BCAR3: variants seen among roughly 807,000 people sequenced by gnomAD.
BCAR3 encodes the protein breast cancer anti-estrogen resistance protein 3.
Under a neutral mutation model 80.1 loss-of-function variants are expected in BCAR3, and 37 were observed. The observed-to-expected ratio is 0.46, with a 90% CI of 0.36 to 0.61. The LOEUF (loss-of-function observed/expected upper bound fraction) is 0.61. BCAR3 is among the 20% of genes least tolerant of loss of function. BCAR3 has a pLI of 0.00. For missense variants in BCAR3, 978 were observed against 1,068.2 expected, an observed-to-expected ratio of 0.92 and a Z score of 1.18; for synonymous variants, 389 against 418.9, an observed-to-expected ratio of 0.93 and a Z score of 0.87.
chr1:93,734,264 C>T (rs935661688), intron 2 of BCAR3, among the ~76,000 whole-genome samples: 6 of 152,234 alleles, frequency 3.9e-5, no homozygotes, highest in African/African-American at 1.4e-4. Flanking sequence ...CATTATCTTT[C>T]AGTGCAGTGT....
At chr1:93,821,489 A>G (rs751556422) in intron 2 of BCAR3, among the ~76,000 whole-genome samples, 2 of 152,172 alleles carry the variant, frequency 1.3e-5, no homozygotes, top group East Asian at 1.9e-4. Context: ...GTTTGCCCAC[A>G]CTAAATACCG....
chr1:93,608,958 A>G (rs142895326), intron 3 of BCAR3, among the ~76,000 whole-genome samples: 1 of 152,338 alleles, frequency 6.6e-6, no homozygotes, highest in African/African-American at 2.4e-5. Context: ...AACTCAGGCC[A>G]TCGTCAATGC....
intron 9 of BCAR3, among the ~76,000 whole-genome samples, chr1:93,568,749 C>G (rs1012696554): frequency 1.3e-5 from 2 of 152,134 alleles, no homozygotes; most frequent in Non-Finnish European, 2.9e-5. Flanking sequence ...TATAGAACAG[C>G]CTTATTTTGT....
chr1:93,746,890 T>C (rs1240879458), intron 2 of BCAR3, among the ~76,000 whole-genome samples: 2 of 152,266 alleles, frequency 1.3e-5, no homozygotes, highest in Admixed American at 1.3e-4. Flanking sequence ...CTCAAAGCCC[T>C]CTCTTCCCAA....
chr1:93,627,973 T>C (rs1019749549), intron 3 of BCAR3, among the ~76,000 whole-genome samples: 2 of 152,140 alleles, frequency 1.3e-5, no homozygotes, highest in Non-Finnish European at 2.9e-5. Flanking sequence ...AAAAACACTA[T>C]TAGAAAAAAA....
intron 2 of BCAR3, among the ~76,000 whole-genome samples, chr1:93,711,525 C>G (rs2101980161): frequency 6.6e-6 from 1 of 152,286 alleles, no homozygotes; most frequent in Non-Finnish European, 1.5e-5. Flanking sequence ...CTACCACATT[C>G]TATTGGCCAA....
At chr1:93,737,971 A>G (rs1336967661) in intron 2 of BCAR3, among the ~76,000 whole-genome samples, 1 of 152,160 alleles carries the variant, frequency 6.6e-6, no homozygotes, top group African/African-American at 2.4e-5. Flanking sequence ...TAGCTAGGAT[A>G]AGCAAGCACA....
intron 2 of BCAR3, among the ~76,000 whole-genome samples, chr1:93,841,642 C>T (rs1010910927): frequency 2.0e-5 from 3 of 152,260 alleles, no homozygotes; most frequent in African/African-American, 7.2e-5. Flanking sequence ...TAGACTTCTT[C>T]TCTGAATACC....
chr1:93,817,753 C>G (rs1654068989), intron 2 of BCAR3, among the ~76,000 whole-genome samples: 1 of 152,216 alleles, frequency 6.6e-6, no homozygotes, highest in Non-Finnish European at 1.5e-5. Flanking sequence ...CATTCTCCAT[C>G]CTGGCTTTGA....
chr1:93,785,425 G>C (rs1652904581), intron 2 of BCAR3, among the ~76,000 whole-genome samples: 1 of 152,198 alleles, frequency 6.6e-6, no homozygotes, highest in South Asian at 2.1e-4. Context: ...GCTGATAGGA[G>C]GAAAGCTTGG....
intron 2 of BCAR3, among the ~76,000 whole-genome samples, chr1:93,719,618 A>T (rs1454000049): frequency 6.6e-6 from 1 of 152,168 alleles, no homozygotes; most frequent in Non-Finnish European, 1.5e-5. Flanking sequence ...CTGGGATTAC[A>T]GGTGTCAGCC....
At chr1:93,845,498 A>ATCTATC (rs1485889618) in intron 2 of BCAR3, 3 of 4,660 alleles carry the variant, frequency 6.4e-4, no homozygotes, top group Non-Finnish European at 9.1e-4. Context: ...ATATATATAT[A>ATCTATC]TATAAAACTT....
chr1:93,688,660 A>G (rs1271489727), intron 3 of BCAR3, among the ~76,000 whole-genome samples: 2 of 151,986 alleles, frequency 1.3e-5, no homozygotes, highest in Non-Finnish European at 2.9e-5. Flanking sequence ...CGGTGGAGCC[A>G]TGACAGCTCA....
chr1:93,601,087 G>A (rs1281526848), intron 3 of BCAR3, among the ~76,000 whole-genome samples: 1 of 152,078 alleles, frequency 6.6e-6, no homozygotes, highest in Non-Finnish European at 1.5e-5. Flanking sequence ...ATAAGGAGTG[G>A]GGATAATAAC....
intron 2 of BCAR3, among the ~76,000 whole-genome samples, chr1:93,710,866 T>C (rs1017940197): frequency 6.6e-6 from 1 of 152,246 alleles, no homozygotes; most frequent in African/African-American, 2.4e-5. Context: ...CTTAGCTCGA[T>C]GGTTCTGGTT....
chr1:93,810,765 G>A (rs531252894), intron 2 of BCAR3, among the ~76,000 whole-genome samples: 1 of 152,172 alleles, frequency 6.6e-6, no homozygotes, highest in African/African-American at 2.4e-5. Context: ...TTTCTGACTA[G>A]TGGAATTGAG....
intron 2 of BCAR3, among the ~76,000 whole-genome samples, chr1:93,799,742 C>T (rs965064583): frequency 1.2e-4 from 18 of 152,228 alleles, no homozygotes; most frequent in Non-Finnish European, 2.5e-4. Context: ...AAATTTAGCT[C>T]AGCCATCTCA....
intron 2 of BCAR3, among the ~76,000 whole-genome samples, chr1:93,767,624 G>A (rs1652200662): frequency 6.6e-6 from 1 of 152,104 alleles, no homozygotes; most frequent in Non-Finnish European, 1.5e-5. Flanking sequence ...AAATAAAAGT[G>A]CAGCTCACTG....
chr1:93,696,624 A>G (rs1341218682), intron 3 of BCAR3, among the ~76,000 whole-genome samples: 1 of 152,096 alleles, frequency 6.6e-6, no homozygotes, highest in African/African-American at 2.4e-5. Context: ...TGTTTCTGAA[A>G]GGCAAGCTTG....
Sources: allele counts gnomAD v4.1 joint callset (sites outside exome capture counted in the v4.1 genomes callset), GRCh38; gene constraint gnomAD v4.1.1; transcripts MANE v1.5; gene names NCBI Gene and HGNC (gene_info 2026-07-23, HGNC 2026-07-21).